Variants in DGKB observed in about 807,000 individuals in gnomAD.
The protein encoded by DGKB is diacylglycerol kinase beta.
In DGKB, 67 loss-of-function variants were observed where a neutral mutation model predicts 114.3. That is an observed-to-expected ratio of 0.59 (90% confidence interval 0.48 to 0.72). The LOEUF is 0.72. Among genes scored for constraint, DGKB ranks in the 30% least tolerant of loss-of-function variants. DGKB has a pLI of 0.00. For synonymous variants in DGKB, 398 were observed against 323.1 expected (o/e 1.23, Z -2.49); for missense variants, 907 against 975.2 (o/e 0.93, Z 0.93).
At chr7:14,499,070 G>A (rs1306917890) in intron 20 of DGKB, among the ~76,000 whole-genome samples, 1 of 151,640 alleles carries the variant, frequency 6.6e-6, no homozygotes, top group Non-Finnish European at 1.5e-5. Context: ...TCTTAGAGAT[G>A]GGCATCATTC....
chr7:14,867,089 T>G (rs1007949964), intron 1 of DGKB, among the ~76,000 whole-genome samples: 3 of 152,186 alleles, frequency 2.0e-5, no homozygotes, highest in African/African-American at 7.2e-5. Flanking sequence ...CGTTTCCATA[T>G]TGTTGAGTTT....
intron 13 of DGKB, among the ~76,000 whole-genome samples, chr7:14,649,613 T>A (rs1249034345): frequency 2.0e-5 from 3 of 151,428 alleles, no homozygotes; most frequent in African/African-American, 4.9e-5. Context: ...CCAGCTAACA[T>A]CATAATGACA....
chr7:14,221,310 G>A lies in DGKB; in HGVS notation c.2123-43159C>T, dbSNP rs543701210. ...ACCATTAAGTATGATATTAGTTGTG[G>A]GTTTTACATAGAAGCCCTTTATCAG... On this transcript the variant is annotated intron_variant, in intron 23 of 25. Transcript: ENST00000402815. Among the ~76,000 whole-genome samples the A allele has an allele frequency of 7.4e-4, 112 of 150,974 alleles. 1 individual carries two copies. The highest frequency in any genetic ancestry group is 2.5e-3 in the African/African-American group (104 of 41,280).
At chr7:14,586,234 G>T (rs1041223068) in intron 17 of DGKB, among the ~76,000 whole-genome samples, 2 of 152,064 alleles carry the variant, frequency 1.3e-5, no homozygotes, top group African/African-American at 4.8e-5. Context: ...CAAACAACAA[G>T]AAGGCGAAAC....
chr7:14,636,266 T>A (rs1810736154), intron 13 of DGKB, among the ~76,000 whole-genome samples: 1 of 151,680 alleles, frequency 6.6e-6, no homozygotes, highest in Admixed American at 6.6e-5. Context: ...TAGACTCTTT[T>A]CCCCCGACCA....
intron 13 of DGKB, among the ~76,000 whole-genome samples, chr7:14,649,822 C>CA (rs1814025421): frequency 7.2e-6 from 1 of 139,074 alleles, no homozygotes; most frequent in Admixed American, 7.3e-5. Flanking sequence ...AAATGGAAAA[C>CA]AAAAAAAGGC....
At chr7:14,270,289 A>T (rs984466167) in intron 23 of DGKB, among the ~76,000 whole-genome samples, 3 of 151,976 alleles carry the variant, frequency 2.0e-5, no homozygotes, top group African/African-American at 7.2e-5. Flanking sequence ...CTCCTAACCA[A>T]TTTCCTCTGC....
chr7:14,379,368 C>A (rs1194458587), intron 21 of DGKB, among the ~76,000 whole-genome samples: 2 of 151,656 alleles, frequency 1.3e-5, no homozygotes, highest in Non-Finnish European at 2.9e-5. Flanking sequence ...AGGATGAAAT[C>A]CATCATTAGG....
intron 23 of DGKB, among the ~76,000 whole-genome samples, chr7:14,253,219 G>C (rs1279656364): frequency 6.6e-6 from 1 of 151,954 alleles, no homozygotes; most frequent in African/African-American, 2.4e-5. Flanking sequence ...ATTTTTAGTA[G>C]AGACGGGGTT....
intron 17 of DGKB, among the ~76,000 whole-genome samples, chr7:14,602,816 A>G (rs1803798743): frequency 6.6e-6 from 1 of 152,198 alleles, no homozygotes. Context: ...AAGCACACAC[A>G]CAAATACGAA....
chr7:14,581,224 T>C (rs1316023512), intron 18 of DGKB, among the ~76,000 whole-genome samples: 2 of 152,178 alleles, frequency 1.3e-5, no homozygotes, highest in Non-Finnish European at 2.9e-5. Context: ...TTAACTCAGC[T>C]AAAAATTGTG....
chr7:14,794,140 A>C (rs913654541), intron 2 of DGKB, among the ~76,000 whole-genome samples: 3 of 152,160 alleles, frequency 2.0e-5, no homozygotes. Flanking sequence ...TCTTCACAAT[A>C]AATCTGTTCT....
chr7:14,740,744 A>G (rs559034380), intron 4 of DGKB, among the ~76,000 whole-genome samples: 10 of 152,166 alleles, frequency 6.6e-5, no homozygotes, highest in African/African-American at 2.4e-4. Flanking sequence ...AAGGCTACTT[A>G]TAGCAGGGGG....
chr7:14,535,767 T>C (rs183005976), intron 20 of DGKB, among the ~76,000 whole-genome samples: 1 of 152,186 alleles, frequency 6.6e-6, no homozygotes, highest in East Asian at 1.9e-4. Flanking sequence ...TTAATATTTT[T>C]AGTAGAGACG....
At chr7:14,828,868 T>C (rs1351471337) in intron 2 of DGKB, among the ~76,000 whole-genome samples, 1 of 152,114 alleles carries the variant, frequency 6.6e-6, no homozygotes, top group Non-Finnish European at 1.5e-5. Flanking sequence ...TGTAGGACAT[T>C]ATCTGCATCT....
At chr7:14,528,758 C>T (rs1236061776) in intron 20 of DGKB, among the ~76,000 whole-genome samples, 1 of 152,012 alleles carries the variant, frequency 6.6e-6, no homozygotes, top group Non-Finnish European at 1.5e-5. Context: ...TGGGATATAT[C>T]TTTCGCAAGA....
chr7:14,772,199 G>T (rs539826772), intron 2 of DGKB, among the ~76,000 whole-genome samples: 1 of 152,182 alleles, frequency 6.6e-6, no homozygotes, highest in East Asian at 1.9e-4. Flanking sequence ...CCTCCTGAGG[G>T]CTGTGTCAAG....
At chr7:14,402,468 T>C (rs1278555127) in intron 21 of DGKB, among the ~76,000 whole-genome samples, 1 of 151,878 alleles carries the variant, frequency 6.6e-6, no homozygotes, top group East Asian at 1.9e-4. Flanking sequence ...TAGTCTACAA[T>C]TTAGGAATTG....
At chr7:14,793,122 C>T (rs1463215126) in intron 2 of DGKB, among the ~76,000 whole-genome samples, 2 of 152,100 alleles carry the variant, frequency 1.3e-5, no homozygotes, top group Non-Finnish European at 2.9e-5. Flanking sequence ...AAGGTAAACA[C>T]AGGAGCCACA....
Sources: gnomAD v4.1 joint callset for allele counts (sites outside exome capture counted in the v4.1 genomes callset) on GRCh38, gnomAD v4.1.1 for gene constraint, MANE v1.5 for transcripts, NCBI Gene and HGNC (gene_info 2026-07-23, HGNC 2026-07-21) for gene names.